The following GLRA1 variants were observed in gnomAD, a reference collection of about 807,000 sequenced individuals.
The protein encoded by GLRA1 is glycine receptor subunit alpha-1.
In GLRA1, 37 loss-of-function variants were observed where a neutral mutation model predicts 48.3. The observed-to-expected ratio is 0.77, with a 90% CI of 0.59 to 1.01. The LOEUF (loss-of-function observed/expected upper bound fraction) is 1.01, where lower values mean the gene tolerates loss of function less well. Among genes scored for constraint, GLRA1 ranks in the 50% least tolerant of loss-of-function variants. The pLI is 0.00. For missense variants in GLRA1, 427 were observed against 571.0 expected, an observed-to-expected ratio of 0.75 and a Z score of 2.57; for synonymous variants, 196 against 210.7, an observed-to-expected ratio of 0.93 and a Z score of 0.60.
At chr5:151,872,586 A>G (rs1249765196) in intron 3 of GLRA1, among the ~76,000 whole-genome samples, 1 of 150,000 alleles carries the variant, frequency 6.7e-6, no homozygotes, top group East Asian at 1.9e-4. Flanking sequence ...ATGCACAAGA[A>G]TGCTCATTGT....
intron 3 of GLRA1, among the ~76,000 whole-genome samples, chr5:151,870,553 AC>A (rs1434721708): frequency 6.7e-6 from 1 of 149,762 alleles, no homozygotes; most frequent in Non-Finnish European, 1.5e-5. Context: ...AATGAGAAGA[AC>A]CCTAATTTAT....
chr5:151,849,076 T>C (rs1402256722), intron 7 of GLRA1: 5 of 397,242 alleles, frequency 1.3e-5, no homozygotes, highest in Middle Eastern at 6.8e-4. Flanking sequence ...ATTTCTTTCT[T>C]TCTTTTCTTT....
chr5:151,911,355 A>G (rs547712580), intron 1 of GLRA1, among the ~76,000 whole-genome samples: 1 of 152,244 alleles, frequency 6.6e-6, no homozygotes, highest in African/African-American at 2.4e-5. Context: ...ATCCTACTTT[A>G]ATTATAGTAA....
intron 3 of GLRA1, among the ~76,000 whole-genome samples, chr5:151,870,687 C>A (rs12653926): frequency 0.2 from 29,682 of 149,462 alleles, 3,851 homozygotes; most frequent in South Asian, 0.32. Flanking sequence ...TACTGCATCA[C>A]TATATTTGTG....
At chr5:151,880,475 C>T (rs1753733138) in intron 3 of GLRA1, among the ~76,000 whole-genome samples, 1 of 152,222 alleles carries the variant, frequency 6.6e-6, no homozygotes, top group Admixed American at 6.5e-5. Flanking sequence ...CAGCAGGGGT[C>T]CTGGCCACAG....
intron 7 of GLRA1, among the ~76,000 whole-genome samples, chr5:151,839,038 G>T (rs1763645242): frequency 6.6e-6 from 1 of 152,206 alleles, no homozygotes; most frequent in Non-Finnish European, 1.5e-5. Flanking sequence ...TTGTACAAGG[G>T]ATTCTTGATA....
intron 7 of GLRA1, among the ~76,000 whole-genome samples, chr5:151,833,298 A>G (rs1311840234): frequency 6.6e-6 from 1 of 152,164 alleles, no homozygotes; most frequent in Non-Finnish European, 1.5e-5. Flanking sequence ...CACACATAAC[A>G]ATATTAATCT....
In GLRA1 at chr5:151,914,015, A is replaced by G. The variant is rs116255766; in HGVS notation, c.56+10479T>C. 4.9e-3 allele frequency among the ~76,000 whole-genome samples: 749 copies of G among 152,352 alleles called. 5 individuals carry two copies. Among genetic ancestry groups the G allele is most frequent in the African/African-American group, 0.017 (694 of 41,574 alleles). ...ATTTACATGTATTTTAGTTTCAAACATATCTCCCTATGCTGTTTAATATTT... is the reference window on the plus strand; with the variant it reads ...ATTTACATGTATTTTAGTTTCAAACGTATCTCCCTATGCTGTTTAATATTT... On this transcript the variant is annotated intron_variant, in intron 1 of 8. Transcript: ENST00000274576.
chr5:151,845,758 T>C (rs1752658625), intron 7 of GLRA1, among the ~76,000 whole-genome samples: 1 of 152,168 alleles, frequency 6.6e-6, no homozygotes, highest in Non-Finnish European at 1.5e-5. Context: ...CAAAAACTTG[T>C]ACACAGATGT....
In GLRA1 at chr5:151,873,180, C is replaced by T. The variant is rs534109698; in HGVS notation, c.253-13172G>A. On this transcript the variant is annotated intron_variant, in intron 3 of 8. Transcript: ENST00000274576. ...CAAGTGAACACTGTGACATGGTTCC[C>T]GAAATGGAAAGGTCTTTGAGGTGGA... 6.7e-5 allele frequency among the ~76,000 whole-genome samples: 10 copies of T among 149,530 alleles called. No homozygotes were observed. The South Asian group carries it at 1.5e-3, about 22-fold the overall frequency.
At chr5:151,882,618 C>T (rs1027804529) in intron 3 of GLRA1, among the ~76,000 whole-genome samples, 7 of 152,012 alleles carry the variant, frequency 4.6e-5, no homozygotes, top group African/African-American at 7.3e-5. Flanking sequence ...TGTGTTTCTA[C>T]CACACCTATT....
chr5:151,858,446 A>C lies in GLRA1; in HGVS notation c.476+1339T>G, dbSNP rs78788207. The stretch of plus-strand genomic sequence containing the variant: ...ATGCTGTACCAGGACTTAGCTTCCT[A>C]GAGATAGGAAATTAGTCTGGCAGCA... On this transcript the variant is annotated intron_variant, in intron 4 of 8. Coordinates refer to ENST00000274576, the MANE Select transcript of GLRA1 (RefSeq NM_000171.4). 6.5e-3 allele frequency among the ~76,000 whole-genome samples: 992 copies of C among 152,252 alleles called. 10 individuals carry two copies. The highest frequency in any genetic ancestry group is 0.022 in the African/African-American group (925 of 41,564).
intron 3 of GLRA1, among the ~76,000 whole-genome samples, chr5:151,866,468 T>C (rs1419561921): frequency 6.6e-6 from 1 of 152,108 alleles, no homozygotes; most frequent in Non-Finnish European, 1.5e-5. Context: ...TTTAGTAGGA[T>C]AGAACTAAGA....
In GLRA1 at chr5:151,849,431, C is replaced by A. The variant is rs868575353; in HGVS notation, c.912+1959G>T. ...CTTTCCTTTCCTTTCCTTTCCTTTC[C>A]TTTCCTTTCCTTTCCTTTCCTTTCC... On this transcript the variant is annotated intron_variant, in intron 7 of 8. Coordinates refer to ENST00000274576, the MANE Select transcript of GLRA1 (RefSeq NM_000171.4). 6.8e-3 allele frequency among the ~76,000 whole-genome samples: 134 copies of A among 19,730 alleles called. 3 individuals are homozygous for A. The highest frequency in any genetic ancestry group is 0.034 in the African/African-American group (113 of 3,330). The allele number at this position is 19,730 out of a possible 152,430, so 12.9% of individuals were successfully genotyped here.
At chr5:151,867,774 C>T (rs1405868128) in intron 3 of GLRA1, among the ~76,000 whole-genome samples, 2 of 152,160 alleles carry the variant, frequency 1.3e-5, no homozygotes, top group African/African-American at 4.8e-5. Flanking sequence ...AAAGTTCAGG[C>T]TCTTAACTAC....
At chr5:151,828,324 G>C (rs1339124566) in intron 8 of GLRA1, among the ~76,000 whole-genome samples, 1 of 152,224 alleles carries the variant, frequency 6.6e-6, no homozygotes, top group Non-Finnish European at 1.5e-5. Context: ...CAGGCTGCAT[G>C]CTCCCCATTG....
At chr5:151,849,376 GTTTCCTTTCC>G (rs757139471) in intron 7 of GLRA1, among the ~76,000 whole-genome samples, 3 of 13,186 alleles carry the variant, frequency 2.3e-4, no homozygotes, top group Non-Finnish European at 3.6e-4. Flanking sequence ...TCTTCCTTTC[GTTTCCTTTCC>G]TTTCCTTTCC....
chr5:151,867,119 A>G (rs984054985), intron 3 of GLRA1, among the ~76,000 whole-genome samples: 5 of 151,970 alleles, frequency 3.3e-5, no homozygotes, highest in Non-Finnish European at 1.5e-5. Flanking sequence ...TCAAAAATAA[A>G]TACATAAATA....
At chr5:151,827,029 G>GTTTTTTTTTTTTTTTTTTTTTTTTTT (rs199505206) in intron 8 of GLRA1, among the ~76,000 whole-genome samples, 8 of 126,800 alleles carry the variant, frequency 6.3e-5, no homozygotes, top group Admixed American at 1.6e-4. Flanking sequence ...CTTTCTTTCT[G>GTTTTTTTTTTTTTTTTTTTTTTTTTT]TTTTTTTTTT....
Sources: gnomAD v4.1 joint callset for allele counts (sites outside exome capture counted in the v4.1 genomes callset) on GRCh38, gnomAD v4.1.1 for gene constraint, MANE v1.5 for transcripts, NCBI Gene and HGNC (gene_info 2026-07-23, HGNC 2026-07-21) for gene names.